RBMS3: variants seen among roughly 807,000 people sequenced by gnomAD.
RBMS3 encodes RNA-binding motif, single-stranded-interacting protein 3.
A neutral mutation model predicts 66.8 loss-of-function variants in RBMS3; 27 were observed. The observed-to-expected ratio is 0.40, with a 90% CI of 0.30 to 0.56. The LOEUF is 0.56. Ranked by LOEUF, RBMS3 falls within the 20% of genes least tolerant of loss-of-function variation. The pLI, the probability that RBMS3 is intolerant of heterozygous loss-of-function variation, is 0.40. For synonymous variants in RBMS3, 188 were observed against 183.0 expected, an observed-to-expected ratio of 1.03 and a Z score of -0.22; for missense variants, 513 against 549.5, an observed-to-expected ratio of 0.93 and a Z score of 0.66.
intron 2 of RBMS3, among the ~76,000 whole-genome samples, chr3:29,444,788 CTTTTTTT>C (rs558839351): frequency 0.032 from 1,631 of 50,546 alleles, 70 homozygotes; most frequent in African/African-American, 0.093. Context: ...AAATATATGC[CTTTTTTT>C]TTTTTTTTTT....
intron 6 of RBMS3, among the ~76,000 whole-genome samples, chr3:29,820,801 G>C (rs2058059190): frequency 6.6e-6 from 1 of 152,216 alleles, no homozygotes; most frequent in African/African-American, 2.4e-5. Context: ...TTCTCCCTGG[G>C]CATGGTAGCA....
rs796965636 is a variant in RBMS3, at chr3:29,923,764, A to G, written c.940-12322A>G. Among the ~76,000 whole-genome samples the G allele has an allele frequency of 4.6e-5, 7 of 151,662 alleles. No individual in the cohort carries two copies. In the South Asian group the frequency reaches 1.5e-3, roughly 32 times the overall value. ...TATTTGCATCCCCATGTTTTTTTTT[A>G]TAGAAGTTTTGTAAGGTAATATAAA... is the stretch of plus-strand genomic sequence containing the variant. On this transcript the variant is annotated intron_variant, in intron 10 of 14. Coordinates refer to ENST00000383767, the MANE Select transcript of RBMS3 (RefSeq NM_001003793.3).
chr3:29,739,990 AT>A, intron 5 of RBMS3, 113 bp downstream of exon 5: 2 of 871,516 alleles, frequency 2.3e-6, no homozygotes, highest in Non-Finnish European at 3.2e-6. Flanking sequence ...AAAAAAAAAA[AT>A]TAAAAGTAGC....
intron 12 of RBMS3, among the ~76,000 whole-genome samples, chr3:29,962,237 C>T (rs1696513598): frequency 6.6e-6 from 1 of 150,850 alleles, no homozygotes; most frequent in Non-Finnish European, 1.5e-5. Flanking sequence ...TTATCCAGTA[C>T]AATAAAAACT....
At chr3:29,305,514 C>T (rs187335190) in intron 1 of RBMS3, among the ~76,000 whole-genome samples, 86 of 152,002 alleles carry the variant, frequency 5.7e-4, no homozygotes, top group African/African-American at 1.3e-3. Flanking sequence ...CCAGTTCCTA[C>T]GCCAAATTGT....
At chr3:29,964,745 T>C (rs1404100811) in intron 12 of RBMS3, among the ~76,000 whole-genome samples, 2 of 152,224 alleles carry the variant, frequency 1.3e-5, no homozygotes, top group African/African-American at 2.4e-5. Flanking sequence ...CCATAAGTTA[T>C]TGGAGTACAG....
At position 29,309,352 on chromosome 3, in the gene RBMS3, A is replaced by G. The variant is rs541808599; in HGVS notation, c.75+27596A>G. ...CTGCCTAGAAGTCTGCTAGAAATTT[A>G]TCTTGAAGTTTAAAATAAATATTTA... is the stretch of plus-strand genomic sequence containing the variant. On this transcript the variant is annotated intron_variant, in intron 1 of 14. Coordinates refer to ENST00000383767, the MANE Select transcript of RBMS3 (RefSeq NM_001003793.3). 3.3e-5 allele frequency among the ~76,000 whole-genome samples: 5 copies of G among 151,952 alleles called. No individual in the cohort carries two copies. The East Asian group carries it at 9.8e-4, about 30-fold the overall frequency.
At chr3:29,845,366 C>A (rs1164205683) in intron 6 of RBMS3, among the ~76,000 whole-genome samples, 1 of 152,048 alleles carries the variant, frequency 6.6e-6, no homozygotes, top group African/African-American at 2.4e-5. Context: ...TTATAGTGAC[C>A]AAATGAAATA....
intron 4 of RBMS3, among the ~76,000 whole-genome samples, chr3:29,701,859 G>A (rs1056115002): frequency 9.3e-5 from 14 of 150,090 alleles, no homozygotes; most frequent in African/African-American, 3.3e-4. Flanking sequence ...TCTCACCGAG[G>A]AGCCCCACCC....
intron 14 of RBMS3, among the ~76,000 whole-genome samples, chr3:30,000,401 G>A (rs556696172): frequency 3.9e-5 from 6 of 152,298 alleles, no homozygotes; most frequent in East Asian, 1.9e-4. Context: ...AGATGCTGGA[G>A]AGGATATGGA....
intron 3 of RBMS3, among the ~76,000 whole-genome samples, chr3:29,530,797 A>G (rs35914): frequency 0.61 from 91,979 of 151,184 alleles, 29,103 homozygotes; most frequent in African/African-American, 0.78. Flanking sequence ...GCCTGAACCC[A>G]GGAGGCAGAG....
intron 3 of RBMS3, among the ~76,000 whole-genome samples, chr3:29,515,747 A>G (rs1305272021): frequency 6.6e-6 from 1 of 152,158 alleles, no homozygotes; most frequent in Admixed American, 6.6e-5. Context: ...GGTTGCAGAG[A>G]GCTAGTCCAC....
At chr3:29,479,793 T>C (rs890114296) in intron 2 of RBMS3, among the ~76,000 whole-genome samples, 1 of 152,180 alleles carries the variant, frequency 6.6e-6, no homozygotes, top group Non-Finnish European at 1.5e-5. Context: ...CCTTAAAAAA[T>C]TGGGAAATAT....
At chr3:29,599,146 G>A (rs936865017) in intron 4 of RBMS3, among the ~76,000 whole-genome samples, 1 of 148,094 alleles carries the variant, frequency 6.8e-6, no homozygotes, top group African/African-American at 2.5e-5. Context: ...GGTGGGCAGA[G>A]AGTGGAGATT....
At chr3:29,493,489 T>G (rs1294228064) in intron 3 of RBMS3, among the ~76,000 whole-genome samples, 1 of 152,216 alleles carries the variant, frequency 6.6e-6, no homozygotes, top group Non-Finnish European at 1.5e-5. Flanking sequence ...TGGAAAATGT[T>G]TGACGATATC....
chr3:29,854,230 C>A (rs1047590319), intron 6 of RBMS3, among the ~76,000 whole-genome samples: 1 of 152,186 alleles, frequency 6.6e-6, no homozygotes, highest in African/African-American at 2.4e-5. Flanking sequence ...TCGGCCTCCA[C>A]CCCAGCCACA....
At chr3:29,384,299 G>A (rs1018193386) in intron 1 of RBMS3, among the ~76,000 whole-genome samples, 1 of 152,088 alleles carries the variant, frequency 6.6e-6, no homozygotes, top group East Asian at 1.9e-4. Context: ...CTGGGCATCA[G>A]AGTGAGACTC....
chr3:29,508,603 A>G (rs905420314), intron 3 of RBMS3, among the ~76,000 whole-genome samples: 2 of 152,080 alleles, frequency 1.3e-5, no homozygotes, highest in African/African-American at 4.8e-5. Context: ...TCTATCATTG[A>G]TGGGCATTTG....
At chr3:29,619,269 T>TA (rs71628528) in intron 4 of RBMS3, among the ~76,000 whole-genome samples, 28,952 of 133,490 alleles carry the variant, frequency 0.22, 3,059 homozygotes, top group East Asian at 0.35. Context: ...GTATTTTATG[T>TA]AAAAAAAAAA....
Sources: gnomAD v4.1 joint callset for allele counts (sites outside exome capture counted in the v4.1 genomes callset) on GRCh38, gnomAD v4.1.1 for gene constraint, MANE v1.5 for transcripts, NCBI Gene and HGNC (gene_info 2026-07-23, HGNC 2026-07-21) for gene names.